Variants in GRXCR2 observed in about 807,000 individuals in gnomAD.
GRXCR2 encodes the protein glutaredoxin domain-containing cysteine-rich protein 2.
In GRXCR2, 23 loss-of-function variants were observed where a neutral mutation model predicts 24.8. The observed-to-expected ratio is 0.93, with a 90% CI of 0.67 to 1.32. The LOEUF is 1.32. GRXCR2 is among the 40% of genes most tolerant of loss of function. The pLI, the probability that GRXCR2 is intolerant of heterozygous loss-of-function variation, is 0.00. For missense variants in GRXCR2, 315 were observed against 303.4 expected, an observed-to-expected ratio of 1.04 and a Z score of -0.28; for synonymous variants, 130 against 116.1, an observed-to-expected ratio of 1.12 and a Z score of -0.77.
At chr5:145,873,815 C>T (rs893829212), upstream of GRXCR2, among the ~76,000 whole-genome samples, 15 of 152,200 alleles carry the variant, frequency 9.9e-5, 1 homozygote, top group African/African-American at 3.4e-4. Flanking sequence ...TGTTGGACTT[C>T]GTAAATGCCT....
chr5:145,897,247 TTACA>T (rs67092971), intron 2 of GRXCR2, among the ~76,000 whole-genome samples: 38,872 of 145,742 alleles, frequency 0.27, 5,529 homozygotes, highest in East Asian at 0.59. Context: ...CTGTTGTTTG[TTACA>T]TACATACATA....
chr5:145,923,611 G>A (rs1426450887), intron 2 of GRXCR2, among the ~76,000 whole-genome samples: 3 of 152,110 alleles, frequency 2.0e-5, no homozygotes, highest in Non-Finnish European at 2.9e-5. Flanking sequence ...CTTAATATGA[G>A]GCATGCTCTC....
At chr5:145,913,836 T>A (rs1275623039) in intron 2 of GRXCR2, among the ~76,000 whole-genome samples, 2 of 152,058 alleles carry the variant, frequency 1.3e-5, no homozygotes, top group African/African-American at 4.8e-5. Context: ...GGGACAATAA[T>A]CTTTAAAAAA....
chr5:145,859,825 G>C lies in GRXCR2; in HGVS notation c.655C>G (p.Leu219Val), dbSNP rs535371236. ...SLCHGSKFSM[L>V]ANRFKESYRA... ...TAGGACTCCTTAAATCTGTTGGCCAGCATCGAGAACTTGCTGCCGTGGCAC... is the reference window on the plus strand; with the variant it reads ...TAGGACTCCTTAAATCTGTTGGCCACCATCGAGAACTTGCTGCCGTGGCAC... Residue 219 changes from leucine to valine, a missense_variant, in exon 3 of 3, where the codon CTG (leucine) becomes GTG (valine). Physicochemically the swap from Leu to Val is conservative, Grantham distance 32. Coordinates refer to ENST00000377976, the MANE Select transcript of GRXCR2 (RefSeq NM_001080516.2). The C allele has an allele frequency of 6.2e-7, 1 of 1,613,874 alleles. No individual in the cohort carries two copies. The highest frequency in any genetic ancestry group is 1.3e-5 in the African/African-American group (1 of 75,038).
Position 145,921,742 on chromosome 5 carries a change from A to G in GRXCR2, c.-70+13959T>C, listed in dbSNP as rs147136505. ...TTGGGATTTACCAGGAACCTTCCAA[A>G]TCAATAGCTTAATTAACCCACAAGC... On this transcript the variant is annotated intron_variant, in intron 2 of 3. Coordinates refer to the GRXCR2 transcript ENST00000639411. Among the ~76,000 whole-genome samples the G allele has an allele frequency of 3.2e-3, 489 of 152,340 alleles. 2 individuals are homozygous for G. The highest frequency in any genetic ancestry group is 0.027 in the Middle Eastern group (8 of 294).
intron 2 of GRXCR2, among the ~76,000 whole-genome samples, chr5:145,888,664 A>C (rs1756811523): frequency 1.3e-5 from 2 of 152,224 alleles, no homozygotes; most frequent in South Asian, 4.1e-4. Flanking sequence ...AGAACAAAAA[A>C]GTCTTCATTT....
At chr5:145,929,259 A>C (rs1453142038) in intron 2 of GRXCR2, among the ~76,000 whole-genome samples, 5 of 146,314 alleles carry the variant, frequency 3.4e-5, no homozygotes, top group Admixed American at 2.1e-4. Context: ...ATTTTTGGAC[A>C]TCAGGCTGTT....
chr5:145,874,321 A>C (rs547607713), upstream of GRXCR2, among the ~76,000 whole-genome samples: 12 of 151,692 alleles, frequency 7.9e-5, no homozygotes, highest in East Asian at 2.3e-3. Flanking sequence ...CTCATGCCTC[A>C]GCCTCCCGAG....
At chr5:145,914,675 CAAAAAAAAAAAAA>C (rs34955541) in intron 2 of GRXCR2, among the ~76,000 whole-genome samples, 86 of 55,256 alleles carry the variant, frequency 1.6e-3, no homozygotes, top group African/African-American at 6.1e-3. Context: ...GACTCCATCT[CAAAAAAAAAAAAA>C]AAAAAAAAAA....
chr5:145,916,252 A>C (rs1403018076), intron 2 of GRXCR2, among the ~76,000 whole-genome samples: 1 of 152,228 alleles, frequency 6.6e-6, no homozygotes, highest in African/African-American at 2.4e-5. Flanking sequence ...AAAGATGATA[A>C]GAATCCTCAA....
At chr5:145,927,375 T>C (rs1230278692) in intron 2 of GRXCR2, among the ~76,000 whole-genome samples, 6 of 152,226 alleles carry the variant, frequency 3.9e-5, no homozygotes, top group Middle Eastern at 3.2e-3. Context: ...TTGTCATAAA[T>C]AGCTCTTATT....
upstream of GRXCR2, among the ~76,000 whole-genome samples, chr5:145,876,518 AT>A (rs1284141854): frequency 6.6e-6 from 1 of 152,072 alleles, no homozygotes; most frequent in Non-Finnish European, 1.5e-5. Flanking sequence ...CAGGAAACAA[AT>A]ATTAATAAAT....
intron 2 of GRXCR2, among the ~76,000 whole-genome samples, chr5:145,899,103 A>G (rs1207041234): frequency 6.6e-6 from 1 of 152,154 alleles, no homozygotes; most frequent in Non-Finnish European, 1.5e-5. Flanking sequence ...ATGCATTTCT[A>G]TGCACCAGTA....
chr5:145,859,975 A>C, intron 2 of GRXCR2, 60 bp from the exon 3 acceptor site: 1 of 1,369,216 alleles, frequency 7.3e-7, no homozygotes, highest in Non-Finnish European at 9.9e-7. Context: ...GTTCACATGC[A>C]GGTCAAAACA....
At chr5:145,873,490 T>C (rs1413608601), upstream of GRXCR2, among the ~76,000 whole-genome samples, 2 of 152,220 alleles carry the variant, frequency 1.3e-5, no homozygotes, top group Non-Finnish European at 2.9e-5. Flanking sequence ...TAGAGCCACT[T>C]GTCATTTATC....
At chr5:145,923,324 G>T (rs1757351760) in intron 2 of GRXCR2, among the ~76,000 whole-genome samples, 1 of 152,092 alleles carries the variant, frequency 6.6e-6, no homozygotes, top group South Asian at 2.1e-4. Context: ...ATTTTAGGGG[G>T]TGATAAGCAA....
At chr5:145,926,948 C>T (rs1449584275) in intron 2 of GRXCR2, among the ~76,000 whole-genome samples, 1 of 152,096 alleles carries the variant, frequency 6.6e-6, no homozygotes, top group Non-Finnish European at 1.5e-5. Context: ...CTTCACATCC[C>T]TTGTAAGTTG....
At chr5:145,865,684 G>T (rs1756417287) in intron 2 of GRXCR2, among the ~76,000 whole-genome samples, 3 of 152,136 alleles carry the variant, frequency 2.0e-5, no homozygotes, top group Non-Finnish European at 4.4e-5. Context: ...GCAACATGTT[G>T]CAGTTTACTT....
intron 2 of GRXCR2, among the ~76,000 whole-genome samples, chr5:145,917,560 T>C (rs1316544326): frequency 6.6e-6 from 1 of 152,048 alleles, no homozygotes; most frequent in Non-Finnish European, 1.5e-5. Context: ...AATGCAGACC[T>C]TCATCTAGAA....
Sources: allele counts gnomAD v4.1 joint callset (sites outside exome capture counted in the v4.1 genomes callset), GRCh38; gene constraint gnomAD v4.1.1; transcripts MANE v1.5; gene names NCBI Gene and HGNC (gene_info 2026-07-23, HGNC 2026-07-21).